CABP5: variants seen among roughly 807,000 people sequenced by gnomAD.
The protein encoded by CABP5 is calcium-binding protein 5.
A neutral mutation model predicts 21.9 loss-of-function variants in CABP5; 17 were observed. The ratio of observed to expected loss-of-function variants is 0.78; its 90% CI spans 0.53 to 1.17. The LOEUF is 1.17. Among genes scored for constraint, CABP5 ranks in the 50% most tolerant of loss-of-function variants. The pLI, the probability that CABP5 is intolerant of heterozygous loss-of-function variation, is 0.00. For missense variants in CABP5, 229 were observed against 228.9 expected, an observed-to-expected ratio of 1.00 and a Z score of 0.00; for synonymous variants, 85 against 79.4, an observed-to-expected ratio of 1.07 and a Z score of -0.37.
rs547198360 is a variant in CABP5, at chr19:48,035,093, G to A, written c.349-731C>T. Among the ~76,000 whole-genome samples, 5 of 152,124 alleles carry A rather than the reference G, an allele frequency of 3.3e-5. No homozygotes were observed. In the East Asian group the frequency reaches 7.7e-4, roughly 24 times the overall value. On this transcript the variant is annotated intron_variant, in intron 4 of 5. Transcript: ENST00000293255. ...ATTCCTCCTGTCTAACCAAAACTTT[G>A]TACCCTTTGACAAGCAACTGTCCAT...
At chr19:48,032,269 C>T (rs1305243283) in intron 5 of CABP5, among the ~76,000 whole-genome samples, 2 of 151,674 alleles carry the variant, frequency 1.3e-5, no homozygotes, top group Non-Finnish European at 2.9e-5. Flanking sequence ...ACAGAAGATA[C>T]AGGCTGGGTG....
intron 4 of CABP5, among the ~76,000 whole-genome samples, chr19:48,035,323 C>T (rs1765846346): frequency 6.6e-6 from 1 of 152,208 alleles, no homozygotes; most frequent in African/African-American, 2.4e-5. Flanking sequence ...ATATGCCGGA[C>T]TCAGTGGCTC....
rs1967478772 is a variant in CABP5, at chr19:48,041,267, A to G, written c.94+306T>C. The G allele has an allele frequency of 1.4e-5, 6 of 443,004 alleles. No homozygotes were observed. The South Asian group carries it at 1.8e-4, about 13-fold the overall frequency. 27.4% of individuals were successfully genotyped at this position (443,004 alleles called of 1,614,324 possible). ...GCATCATTCCTGAGACCACTAAATG[A>G]GAGCACTGGCGTCCTTCAGATTCCT... On this transcript the variant is annotated intron_variant, in intron 2 of 5. Coordinates refer to ENST00000293255, the MANE Select transcript of CABP5 (RefSeq NM_019855.5).
rs535311609 is a variant in CABP5 at position 48,038,617 on chromosome 19, A to G, written c.348+591T>C. Among the ~76,000 whole-genome samples the G allele has an allele frequency of 3.3e-5, 5 of 152,276 alleles. No individual in the cohort carries two copies. In the East Asian group the frequency reaches 9.7e-4, roughly 29 times the overall value. On this transcript the variant is annotated intron_variant, in intron 4 of 5. Transcript: ENST00000293255. ...CGAGGCAGGTGGATCACTTGAGGTCAGGAGTTCGAGACCAGCCTGGTCAAC... is the reference window on the plus strand; with the variant it reads ...CGAGGCAGGTGGATCACTTGAGGTCGGGAGTTCGAGACCAGCCTGGTCAAC...
chr19:48,040,871 A>T, intron 2 of CABP5, 123 bp from the exon 3 acceptor site: 1 of 757,142 alleles, frequency 1.3e-6, no homozygotes, highest in Non-Finnish European at 2.0e-6. Context: ...TTAGAAACAA[A>T]ACAAAACAAA....
chr19:48,039,466 G>A (rs1967452398), intron 3 of CABP5, 149 bp from the exon 4 acceptor site: 1 of 647,922 alleles, frequency 1.5e-6, no homozygotes, highest in African/African-American at 1.8e-5. Flanking sequence ...CTAACTCCAA[G>A]CTCCAAACTC....
At position 48,044,006 on chromosome 19, in the gene CABP5, C is replaced by G; in HGVS notation, c.-84G>C. ...CCCTGTCGGAGCTCAGCCTCCTTAT[C>G]TTCTCCAGCACTCCTTTGCCACCTC... is the stretch of plus-strand genomic sequence containing the variant. On this transcript the variant is annotated 5_prime_UTR_variant, in exon 1 of 6. Transcript: ENST00000293255. 4 of 1,223,360 alleles carry G rather than the reference C, an allele frequency of 3.3e-6. No individual in the cohort carries two copies. The highest frequency in any genetic ancestry group is 4.5e-6 in the Non-Finnish European group (4 of 886,812). 75.8% of individuals were successfully genotyped at this position (1,223,360 alleles called of 1,614,324 possible).
chr19:48,039,049 A>G (rs562348454), intron 4 of CABP5, among the ~76,000 whole-genome samples, 159 bp downstream of exon 4: 1 of 152,036 alleles, frequency 6.6e-6, no homozygotes, highest in East Asian at 1.9e-4. Context: ...GGTGTTTGGA[A>G]TACGTTATTT....
Position 48,042,004 on chromosome 19 carries a change from A to G in CABP5, c.64-401T>C, listed in dbSNP as rs147011706. 3.3e-5 allele frequency among the ~76,000 whole-genome samples: 5 copies of G among 152,220 alleles called. No individual in the cohort carries two copies. The East Asian group carries it at 7.7e-4, about 23-fold the overall frequency. ...TCCACAATCATTTCATTTAAACCTC[A>G]GTACTGCTCTGTGATGCAGATCTAC... On this transcript the variant is annotated intron_variant, in intron 1 of 5. Transcript: ENST00000293255.
At chr19:48,042,583 T>TC in intron 1 of CABP5, among the ~76,000 whole-genome samples, 1 of 151,694 alleles carries the variant, frequency 6.6e-6, no homozygotes, top group Non-Finnish European at 1.5e-5. Context: ...TCTCTCTCTT[T>TC]TTTTTTTTTG....
chr19:48,031,152 T>A (rs1385675347), intron 5 of CABP5, among the ~76,000 whole-genome samples: 2 of 152,116 alleles, frequency 1.3e-5, no homozygotes, highest in Non-Finnish European at 2.9e-5. Flanking sequence ...ACATTAAATT[T>A]AAAAAATGGG....
chr19:48,034,134 A>T, intron 5 of CABP5, 81 bp downstream of exon 5: 1 of 1,400,342 alleles, frequency 7.1e-7, no homozygotes, highest in Non-Finnish European at 9.4e-7. Flanking sequence ...GGAGTGGCCA[A>T]CTTGGAAAAT....
intron 5 of CABP5, among the ~76,000 whole-genome samples, chr19:48,032,757 A>G (rs73048012): frequency 0.22 from 33,485 of 151,434 alleles, 4,275 homozygotes; most frequent in Non-Finnish European, 0.28. Context: ...CAGCCCCCGT[A>G]TAGCCTGGGA....
rs752374441 is a variant in CABP5, at chr19:48,034,297, C to A, written c.414G>T (p.Leu138=). 3.7e-6 allele frequency: 6 copies of A among 1,609,398 alleles called. No homozygotes were observed. The East Asian group carries it at 6.8e-5, about 18-fold the overall frequency. The change falls in exon 5 of 6, where the codon CTG becomes CTT. Residue 138 remains leucine (L), a synonymous_variant. Transcript: ENST00000293255. Reference sequence around the variant, plus strand: ...TCTCCCGGGGGGTGAGCCGCTCCCCCAGGAGTCTCTGCATGGCCTGCTGTA... The same window carrying A: ...TCTCCCGGGGGGTGAGCCGCTCCCCAAGGAGTCTCTGCATGGCCTGCTGTA... ...VELQQAMQRL[L]GERLTPREIS... is the part of the protein sequence containing the mutation.
At chr19:48,032,383 G>A (rs1243518236) in intron 5 of CABP5, among the ~76,000 whole-genome samples, 1 of 149,030 alleles carries the variant, frequency 6.7e-6, no homozygotes, top group East Asian at 2.0e-4. Flanking sequence ...CACCCAGGCT[G>A]GAGTGCAGTG....
intron 4 of CABP5, among the ~76,000 whole-genome samples, chr19:48,037,818 T>C (rs1967430442): frequency 6.6e-6 from 1 of 152,224 alleles, no homozygotes; most frequent in Admixed American, 6.5e-5. Flanking sequence ...CCTAGAAGTT[T>C]ACTTAAGTAT....
chr19:48,034,763 C>A (rs1967387969), intron 4 of CABP5, among the ~76,000 whole-genome samples: 1 of 151,986 alleles, frequency 6.6e-6, no homozygotes, highest in African/African-American at 2.4e-5. Flanking sequence ...CCAGGCTGAT[C>A]TTGAACTCCT....
At chr19:48,041,242 G>A (rs968004987) in intron 2 of CABP5, 1 of 376,552 alleles carries the variant, frequency 2.7e-6, no homozygotes. Context: ...AGCAAAAGAG[G>A]CATCATTCCT....
In CABP5 at chr19:48,029,738, A is replaced by T. The variant is rs376711361; in HGVS notation, c.*819T>A. On this transcript the variant is annotated 3_prime_UTR_variant, in exon 6 of 6. Transcript: ENST00000293255. ...ATAATCCAGATTTGTGGTTTAATTC[A>T]GTCCCCTGAGTATCTTACACAAAGG... Among the ~76,000 whole-genome samples, 2 of 151,642 alleles carry T rather than the reference A, an allele frequency of 1.3e-5. No individual in the cohort carries two copies. The highest frequency in any genetic ancestry group is 3.9e-4 in the East Asian group (2 of 5,162).
Sources: gnomAD v4.1 joint callset for allele counts (sites outside exome capture counted in the v4.1 genomes callset) on GRCh38, gnomAD v4.1.1 for gene constraint, MANE v1.5 for transcripts, NCBI Gene and HGNC (gene_info 2026-07-23, HGNC 2026-07-21) for gene names.